TACC3: variants seen among roughly 807,000 people sequenced by gnomAD.
TACC3 encodes the protein transforming acidic coiled-coil containing protein 3.
A neutral mutation model predicts 86.0 loss-of-function variants in TACC3; 52 were observed. The observed-to-expected ratio is 0.60, with a 90% CI of 0.48 to 0.76. The LOEUF (loss-of-function observed/expected upper bound fraction) is 0.76. Among genes scored for constraint, TACC3 ranks in the 30% least tolerant of loss-of-function variants. The pLI is 0.00. For synonymous variants in TACC3, 512 were observed against 430.0 expected, an observed-to-expected ratio of 1.19 and a Z score of -2.36; for missense variants, 1,120 against 1,070.4, an observed-to-expected ratio of 1.05 and a Z score of -0.65.
chr4:1,740,908 G>A lies in TACC3; in HGVS notation c.2145G>A (p.Leu715=). 1.2e-6 allele frequency: 2 copies of A among 1,613,284 alleles called. No homozygotes were observed. Among genetic ancestry groups the A allele is most frequent in the Non-Finnish European group, 1.7e-6 (2 of 1,179,844 alleles). The stretch of plus-strand genomic sequence containing the variant: ...AAAAAGACCAACTTACCACAGATCT[G>A]AACTCCATGGAGAAGTCCTTCTCCG... ...LKEKDQLTTD[L]NSMEKSFSDL... Residue 715 remains leucine (L), a synonymous_variant, in exon 13 of 16, where the codon CTG becomes CTA. Coordinates refer to ENST00000313288, the MANE Select transcript of TACC3 (RefSeq NM_006342.3).
Position 1,727,698 on chromosome 4 carries a change from C to A in TACC3, c.306-10C>A. ...TCGCTGCTTCACGTTGATTAAGTCT[C>A]TTTTAAAAGCCAACAGCTCATCAAG... On this transcript the variant is annotated splice_polypyrimidine_tract_variant and intron_variant, in intron 3 of 15. Transcript: ENST00000313288. 1 of 1,564,410 alleles carries A rather than the reference C, an allele frequency of 6.4e-7. No homozygotes were observed. Among genetic ancestry groups the A allele is most frequent in the Non-Finnish European group, 8.7e-7 (1 of 1,155,104 alleles).
chr4:1,720,865 TAGGCCCCCGCCCCGGCGCGCGGACG>T (rs752779738), upstream of TACC3: 8 of 1,550,364 alleles, frequency 5.2e-6, no homozygotes, highest in East Asian at 7.4e-5. The surrounding 1 kb of genome is among the most constrained non-coding windows in gnomAD (Gnocchi z 4.4). Context: ...GCTGTCGAGC[TAGGCCCCCGCCCCGGCGCGCGGACG>T]AGGCCGCAGC....
At position 1,738,171 on chromosome 4, in the gene TACC3, C is replaced by T. The variant is rs576296966; in HGVS notation, c.1941+469C>T. The T allele has an allele frequency of 1.7e-4, 54 of 314,818 alleles. No individual in the cohort carries two copies. The East Asian group carries it at 2.9e-3, about 17-fold the overall frequency. The allele number at this position is 314,818 out of a possible 1,614,324, so 19.5% of individuals were successfully genotyped here. On this transcript the variant is annotated intron_variant, in intron 10 of 15. Coordinates refer to ENST00000313288, the MANE Select transcript of TACC3 (RefSeq NM_006342.3). ...GCCAGGCTTCAGCCTGTTCTAACTCCGGGCCTAAATTGTCCCTAAGAGAGC... is the reference window on the plus strand; with the variant it reads ...GCCAGGCTTCAGCCTGTTCTAACTCTGGGCCTAAATTGTCCCTAAGAGAGC...
Position 1,723,441 on chromosome 4 carries a change from A to G in TACC3, c.20A>G (p.Asn7Ser). The G allele has an allele frequency of 2.5e-6, 4 of 1,613,424 alleles. No individual in the cohort carries two copies. The highest frequency in any genetic ancestry group is 3.4e-6 in the Non-Finnish European group (4 of 1,179,916). The stretch of plus-strand genomic sequence containing the variant: ...TCCAGAATGAGTCTGCAGGTCTTAA[A>G]CGACAAAAATGTCAGCAATGAAAAA... The part of the protein sequence containing the change: MSLQVL[N>S]DKNVSNEKNT... Residue 7 changes from asparagine (N) to serine (S), a missense_variant, in exon 2 of 16, where the codon AAC becomes AGC. Asn to Ser is a conservative substitution (Grantham distance 46, BLOSUM62 1). Transcript: ENST00000313288.
intron 8 of TACC3, among the ~76,000 whole-genome samples, chr4:1,736,940 G>A (rs1260270609): frequency 1.3e-5 from 2 of 151,940 alleles, no homozygotes; most frequent in Non-Finnish European, 2.9e-5. Context: ...GCTCTGAGCT[G>A]TGAACAGCCC....
intron 10 of TACC3, chr4:1,739,320 AAG>A (rs1219329251): frequency 2.1e-5 from 4 of 189,498 alleles, no homozygotes; most frequent in South Asian, 1.5e-4. Flanking sequence ...AAAAAAAAAA[AAG>A]AGATCTGAAC....
rs1717827876 is a variant in TACC3 at position 1,728,517 on chromosome 4, T to G, written c.1115T>G (p.Val372Gly). The G allele has an allele frequency of 6.2e-7, 1 of 1,613,878 alleles. No individual in the cohort carries two copies. The highest frequency in any genetic ancestry group is 8.5e-7 in the Non-Finnish European group (1 of 1,179,984). The change falls in exon 4 of 16, where the codon GTG becomes GGG. Residue 372 changes from valine (V) to glycine (G), a missense_variant. Transcript: ENST00000313288. The stretch of plus-strand genomic sequence containing the variant: ...AAGCCTCCCTTGAGGAAAGCAGCAG[T>G]GAGGCAGCAAAAGGCCCCGCAGGAG... Reference protein sequence around the residue: ...GLKPPLRKAAVRQQKAPQEVE... With the variant: ...GLKPPLRKAAGRQQKAPQEVE...
chr4:1,726,624 C>T (rs1245282721), intron 3 of TACC3, among the ~76,000 whole-genome samples: 4 of 152,194 alleles, frequency 2.6e-5, no homozygotes, highest in East Asian at 1.9e-4. Context: ...AAGTGGTGCA[C>T]ACCCTTCAGT....
At chr4:1,724,129 C>T (rs1442944051) in intron 3 of TACC3, among the ~76,000 whole-genome samples, 6 of 151,596 alleles carry the variant, frequency 4.0e-5, no homozygotes, top group Non-Finnish European at 5.9e-5. Flanking sequence ...CCACCACGCC[C>T]GGCTAATTTT....
At position 1,731,178 on chromosome 4, in the gene TACC3, G is replaced by A. The variant is rs1411597723; in HGVS notation, c.1468G>A (p.Ala490Thr). Residue 490 changes from alanine (A) to threonine (T), a missense_variant, in exon 6 of 16, where the codon GCC becomes ACC. Ala to Thr is a moderately conservative substitution (Grantham distance 58, BLOSUM62 0). Transcript: ENST00000313288. ...ACTCTGCCCTTTCCTCCAGGAGAGA[G>A]CCTTGAACTCTGCCAGCACCTCGCT... Reference protein sequence around the residue: ...ETPTAESKERALNSASTSLPT... With the variant: ...ETPTAESKERTLNSASTSLPT... The A allele has an allele frequency of 3.7e-6, 6 of 1,613,306 alleles. No individual in the cohort carries two copies.
chr4:1,729,403 A>G (rs1454765943), intron 4 of TACC3, among the ~76,000 whole-genome samples: 1 of 152,074 alleles, frequency 6.6e-6, no homozygotes, highest in African/African-American at 2.4e-5. Flanking sequence ...AGGCACGGAG[A>G]TCGGTAATGG....
In TACC3 at chr4:1,737,715, G is replaced by C; in HGVS notation, c.1941+13G>C. The C allele has an allele frequency of 1.3e-6, 2 of 1,550,252 alleles. No homozygotes were observed. Among genetic ancestry groups the C allele is most frequent in the Non-Finnish European group, 1.7e-6 (2 of 1,146,328 alleles). ...CCTGGATGCAGTGGTAAGGACGCAGGTAGTAGCTATTCCACAGAACCTGCA... is the reference window on the plus strand; with the variant it reads ...CCTGGATGCAGTGGTAAGGACGCAGCTAGTAGCTATTCCACAGAACCTGCA... On this transcript the variant is annotated intron_variant, in intron 10 of 15. Transcript: ENST00000313288.
intron 12 of TACC3, 78 bp from the exon 13 acceptor site, chr4:1,740,748 C>T: frequency 7.2e-7 from 1 of 1,384,100 alleles, no homozygotes; most frequent in East Asian, 2.3e-5. Context: ...AGTCCCTTGC[C>T]TCATTCCTTG....
chr4:1,744,312 G>A, intron 13 of TACC3: 1 of 569,752 alleles, frequency 1.8e-6, no homozygotes, highest in Non-Finnish European at 3.1e-6. Flanking sequence ...GCATCTCAGG[G>A]TGGAGAGCCA....
At chr4:1,731,349 C>A in intron 6 of TACC3, 48 bp downstream of exon 6, 1 of 1,594,954 alleles carries the variant, frequency 6.3e-7, no homozygotes, top group South Asian at 1.1e-5. Flanking sequence ...CGGAGGGGAT[C>A]CCGTGAGCAC....
At position 1,727,981 on chromosome 4, in the gene TACC3, A is replaced by T. The variant is rs1717778062; in HGVS notation, c.579A>T (p.Arg193Ser). The T allele has an allele frequency of 5.6e-6, 9 of 1,613,206 alleles. No individual in the cohort carries two copies. The highest frequency in any genetic ancestry group is 7.6e-6 in the Non-Finnish European group (9 of 1,180,040). Residue 193 changes from arginine (R) to serine (S), a missense_variant, in exon 4 of 16, where the codon AGA (arginine) becomes AGT (serine). By Grantham distance (110) the Arg-to-Ser change is moderately radical. Coordinates refer to ENST00000313288, the MANE Select transcript of TACC3 (RefSeq NM_006342.3). ...EENLSSYSLD[R>S]RVTPASETLE... ...ACCTTAGTTCCTATTCCTTAGACAG[A>T]AGAGTGACACCCGCCTCTGAGACCC...
At position 1,728,697 on chromosome 4, in the gene TACC3, C is replaced by T. The variant is rs780106100; in HGVS notation, c.1295C>T (p.Pro432Leu). Residue 432 changes from proline to leucine, a missense_variant, in exon 4 of 16, where the codon CCA (proline) becomes CTA (leucine). Coordinates refer to ENST00000313288, the MANE Select transcript of TACC3 (RefSeq NM_006342.3). ...TCTGGTTGCAGTGAGGCCCAGCCCC[C>T]AGAAAGCCCTGAGACCAGGCTGGGC... is the stretch of plus-strand genomic sequence containing the variant. ...TKSGCSEAQP[P>L]ESPETRLGQP... 2 of 1,613,530 alleles carry T rather than the reference C, an allele frequency of 1.2e-6. No homozygotes were observed. Among genetic ancestry groups the T allele is most frequent in the Non-Finnish European group, 1.7e-6 (2 of 1,180,026 alleles).
At chr4:1,739,622 G>A (rs1418056245) in intron 10 of TACC3, 80 bp from the exon 11 acceptor site, 3 of 1,359,026 alleles carry the variant, frequency 2.2e-6, no homozygotes, top group Non-Finnish European at 3.1e-6. Flanking sequence ...CTCGGGTGCG[G>A]GCTGGCCCCA....
rs572258367 is a variant in TACC3 at position 1,729,888 on chromosome 4, C to T, written c.1386-999C>T. ...GACCAAGCTAGGTAACGGGTGCCTT[C>T]CCAAGTGCTGGTGTTACCGCTAGAC... On this transcript the variant is annotated intron_variant, in intron 4 of 15. Transcript: ENST00000313288. Among the ~76,000 whole-genome samples, 7 of 152,200 alleles carry T rather than the reference C, an allele frequency of 4.6e-5. No individual in the cohort carries two copies. The East Asian group carries it at 1.4e-3, about 29-fold the overall frequency.
Sources: gnomAD v4.1 joint callset for allele counts (sites outside exome capture counted in the v4.1 genomes callset) on GRCh38, gnomAD v4.1.1 for gene constraint, Gnocchi (gnomAD v3.1) non-coding constraint, MANE v1.5 for transcripts, NCBI Gene and HGNC (gene_info 2026-07-23, HGNC 2026-07-21) for gene names.